ADH4: variants seen among roughly 807,000 people sequenced by gnomAD.
The protein encoded by ADH4 is alcohol dehydrogenase 4 (class II), pi polypeptide.
A neutral mutation model predicts 35.2 loss-of-function variants in ADH4; 31 were observed. The observed-to-expected ratio is 0.88, with a 90% confidence interval of 0.66 to 1.19. ADH4 has a LOEUF of 1.19. ADH4 is among the 50% of genes most tolerant of loss of function. The pLI, the probability that ADH4 is intolerant of heterozygous loss-of-function variation, is 0.00. For synonymous variants in ADH4, 171 were observed against 160.2 expected, an observed-to-expected ratio of 1.07 and a Z score of -0.51; for missense variants, 476 against 458.3, an observed-to-expected ratio of 1.04 and a Z score of -0.35.
Position 99,142,717 on chromosome 4 carries a change from C to T in ADH4, c.82G>A (p.Glu28Lys), listed in dbSNP as rs775749904. Reference protein sequence around the residue: ...AGKPLCIEEVEVAPPKAHEVR... With the variant: ...AGKPLCIEEVKVAPPKAHEVR... ...TCATGAGCCTTGGGGGGAGCTACTT[C>T]AACCTCTTCAATGCAAAGGGGCTTG... The change falls in exon 2 of 9, where the codon GAA (glutamate) becomes AAA (lysine). Residue 28 changes from glutamate (E) to lysine (K), a missense_variant. Transcript: ENST00000265512. 49 of 1,604,704 alleles carry T rather than the reference C, an allele frequency of 3.1e-5. No individual in the cohort carries two copies. In the East Asian group the frequency reaches 1.0e-3, roughly 33 times the overall value.
At position 99,123,924 on chromosome 4, in the gene ADH4, C is replaced by T. The variant is rs1042699425; in HGVS notation, c.*518G>A. ...ATCATCTCATCACCCAGGTATGAAG[C>T]CCAGCATCCATTAGCTATTCTTCCT... is the stretch of plus-strand genomic sequence containing the variant. On this transcript the variant is annotated 3_prime_UTR_variant, in exon 9 of 9. Transcript: ENST00000265512. The T allele has an allele frequency of 1.9e-5, 3 of 156,814 alleles. No individual in the cohort carries two copies. Among genetic ancestry groups the T allele is most frequent in the African/African-American group, 7.2e-5 (3 of 41,442 alleles). The allele number at this position is 156,814 out of a possible 1,614,324, so 9.7% of individuals were successfully genotyped here.
Position 99,124,467 on chromosome 4 carries a change from C to T in ADH4, c.1119-1G>A. ...TCAAAAGATGAGGATTGTTCGGACGCTGTTAATAACAATAAAACATTAATA... is the reference window on the plus strand; with the variant it reads ...TCAAAAGATGAGGATTGTTCGGACGTTGTTAATAACAATAAAACATTAATA... On this transcript the variant is annotated splice_acceptor_variant, in intron 8 of 8. Transcript: ENST00000265512. LOFTEE classifies it high-confidence loss of function. 3 of 1,458,910 alleles carry T rather than the reference C, an allele frequency of 2.1e-6. No homozygotes were observed. The highest frequency in any genetic ancestry group is 2.8e-6 in the Non-Finnish European group (3 of 1,056,154). The allele number at this position is 1,458,910 out of a possible 1,614,324, so 90.4% of individuals were successfully genotyped here.
intron 5 of ADH4, among the ~76,000 whole-genome samples, chr4:99,134,687 C>T (rs959926950): frequency 6.6e-6 from 1 of 151,944 alleles, no homozygotes; most frequent in African/African-American, 2.4e-5. Flanking sequence ...TGGTTTCTAA[C>T]ACAATTTTTT....
intron 6 of ADH4, 68 bp from the exon 7 acceptor site, chr4:99,127,412 G>C (rs1729135192): frequency 7.6e-7 from 1 of 1,323,850 alleles, no homozygotes. Flanking sequence ...GTGTGGCAAT[G>C]TACAATGCTT....
At chr4:99,135,088 G>GTACA (rs1217036435) in intron 5 of ADH4, among the ~76,000 whole-genome samples, 1 of 152,038 alleles carries the variant, frequency 6.6e-6, no homozygotes, top group Admixed American at 6.6e-5. Flanking sequence ...GGAACAAATA[G>GTACA]TACAATAGGA....
intron 5 of ADH4, among the ~76,000 whole-genome samples, chr4:99,134,811 G>C (rs1049623866): frequency 3.3e-5 from 5 of 151,026 alleles, no homozygotes; most frequent in African/African-American, 1.2e-4. Flanking sequence ...TCTCAATGAA[G>C]AGTCATACTT....
In ADH4 at chr4:99,141,675, G is replaced by A. The variant is rs761811968; in HGVS notation, c.128C>T (p.Ala43Val). The change falls in exon 3 of 9, where the codon GCT becomes GTT. Residue 43 changes from alanine (A) to valine (V), a missense_variant. By Grantham distance (64) the Ala-to-Val change is moderately conservative. Coordinates refer to ENST00000265512, the MANE Select transcript of ADH4 (RefSeq NM_000670.5). The stretch of plus-strand genomic sequence containing the variant: ...GGCATCAGTATGGCACAGAGAGGTA[G>A]CAATGATCTACAAGGCAATCACAGA... Reference protein sequence around the residue: ...KAHEVRIQIIATSLCHTDATV... With the variant: ...KAHEVRIQIIVTSLCHTDATV... 43 of 1,613,328 alleles carry A rather than the reference G, an allele frequency of 2.7e-5. No homozygotes were observed. Among genetic ancestry groups the A allele is most frequent in the Middle Eastern group, 1.7e-4 (1 of 6,056 alleles).
intron 6 of ADH4, 115 bp downstream of exon 6, chr4:99,131,389 C>T (rs1409779495): frequency 1.2e-5 from 14 of 1,178,914 alleles, no homozygotes; most frequent in Non-Finnish European, 1.6e-5. Context: ...AGTTCTACCA[C>T]CCTGTCATCC....
intron 5 of ADH4, among the ~76,000 whole-genome samples, chr4:99,134,341 G>T (rs938260790): frequency 2.6e-5 from 4 of 151,952 alleles, no homozygotes; most frequent in African/African-American, 9.7e-5. Flanking sequence ...TATATGAAGT[G>T]ATGGATACAT....
Position 99,144,243 on chromosome 4 carries a change from T to C in ADH4, c.-21A>G. 1.2e-6 allele frequency: 2 copies of C among 1,612,352 alleles called. No individual in the cohort carries two copies. Among genetic ancestry groups the C allele is most frequent in the Non-Finnish European group, 8.5e-7 (1 of 1,178,432 alleles). ...CCCATTTTTCTTTGGGAAACTGTGTTGGAAGTTTCTTTCTGAGTTAAGAAA... is the reference window on the plus strand; with the variant it reads ...CCCATTTTTCTTTGGGAAACTGTGTCGGAAGTTTCTTTCTGAGTTAAGAAA... On this transcript the variant is annotated 5_prime_UTR_variant, in exon 1 of 9. Coordinates refer to ENST00000265512, the MANE Select transcript of ADH4 (RefSeq NM_000670.5).
intron 7 of ADH4, 44 bp from the exon 8 acceptor site, chr4:99,126,776 A>G (rs745573868): frequency 2.6e-6 from 4 of 1,551,798 alleles, no homozygotes; most frequent in Admixed American, 1.7e-5. Flanking sequence ...GGCACTTGAC[A>G]CGAAGTAGTT....
chr4:99,136,400 G>T, intron 5 of ADH4, 66 bp downstream of exon 5: 1 of 1,336,118 alleles, frequency 7.5e-7, no homozygotes, highest in Non-Finnish European at 1.1e-6. Context: ...ACTAACTCTA[G>T]TTCATCTGTA....
chr4:99,127,206 G>C lies in ADH4; in HGVS notation c.979+3C>G. 1 of 1,582,492 alleles carries C rather than the reference G, an allele frequency of 6.3e-7. No homozygotes were observed. Among genetic ancestry groups the C allele is most frequent in the South Asian group, 1.2e-5 (1 of 84,320 alleles). Reference sequence around the variant, plus strand: ...TAAAGCTATGAAGAAAAAAAAAACTGACCACCAAAGAATGTTCCATTTATA... The same window carrying C: ...TAAAGCTATGAAGAAAAAAAAAACTCACCACCAAAGAATGTTCCATTTATA... On this transcript the variant is annotated splice_donor_region_variant and intron_variant, in intron 7 of 8. Coordinates refer to ENST00000265512, the MANE Select transcript of ADH4 (RefSeq NM_000670.5).
intron 8 of ADH4, among the ~76,000 whole-genome samples, chr4:99,125,564 A>G (rs934345035): frequency 6.6e-6 from 1 of 152,196 alleles, no homozygotes; most frequent in Non-Finnish European, 1.5e-5. Flanking sequence ...AGTATTCCTT[A>G]TGGGGATATT....
Position 99,136,474 on chromosome 4 carries a change from T to G in ADH4, c.574A>C (p.Asn192His). 6.2e-7 allele frequency: 1 copy of G among 1,613,912 alleles called. No individual in the cohort carries two copies. Among genetic ancestry groups the G allele is most frequent in the Non-Finnish European group, 8.5e-7 (1 of 1,179,840 alleles). ...GGTGTTTAACCATTTACCTTGGCAT[T>G]GTTGATTGCAGCCCCATAGCCAGTT... is the stretch of plus-strand genomic sequence containing the variant. ...FSTGYGAAIN[N>H]AKVTPGSTCA... Residue 192 changes from asparagine (N) to histidine (H), a missense_variant, in exon 5 of 9, where the codon AAT becomes CAT. Asn to His is a moderately conservative substitution (Grantham distance 68). Coordinates refer to ENST00000265512, the MANE Select transcript of ADH4 (RefSeq NM_000670.5).
rs1729436229 is a variant in ADH4, at chr4:99,136,498, T to C, written c.550A>G (p.Thr184Ala). ...TTGTTGATTGCAGCCCCATAGCCAG[T>C]TGAAAACCCACATCCAAGCAGACAA... is the stretch of plus-strand genomic sequence containing the variant. ...RVCLLGCGFS[T>A]GYGAAINNAK... Residue 184 changes from threonine (T) to alanine (A), a missense_variant, in exon 5 of 9, where the codon ACT (threonine) becomes GCT (alanine). Physicochemically the swap from Thr to Ala is moderately conservative, Grantham distance 58. Coordinates refer to ENST00000265512, the MANE Select transcript of ADH4 (RefSeq NM_000670.5). 1 of 1,614,142 alleles carries C rather than the reference T, an allele frequency of 6.2e-7. No homozygotes were observed. Among genetic ancestry groups the C allele is most frequent in the Non-Finnish European group, 8.5e-7 (1 of 1,180,010 alleles).
chr4:99,135,125 A>G (rs1467509768), intron 5 of ADH4, among the ~76,000 whole-genome samples: 1 of 152,092 alleles, frequency 6.6e-6, no homozygotes, highest in Non-Finnish European at 1.5e-5. Flanking sequence ...AGATTTCTCT[A>G]TAGTGTGATA....
Position 99,127,358 on chromosome 4 carries a change from T to C in ADH4, c.844-14A>G, listed in dbSNP as rs6813415. 392,522 of 1,574,198 alleles carry C rather than the reference T, an allele frequency of 0.25. 53,157 individuals carry two copies. Among genetic ancestry groups the C allele is most frequent in the Non-Finnish European group, 0.28 (324,283 of 1,160,954 alleles). On this transcript the variant is annotated splice_polypyrimidine_tract_variant and intron_variant, in intron 6 of 8. Coordinates refer to ENST00000265512, the MANE Select transcript of ADH4 (RefSeq NM_000670.5). ...CAGGGCTGCTTTCTGTGATGGAGCA[T>C]AAAAGAATACTTGAGTCAGTGGAAA...
intron 3 of ADH4, among the ~76,000 whole-genome samples, chr4:99,140,959 A>C: frequency 6.6e-6 from 1 of 152,218 alleles, no homozygotes; most frequent in South Asian, 2.1e-4. Context: ...GTGTCACGGA[A>C]GTTTGGTGTA....
Sources: allele counts gnomAD v4.1 joint callset (sites outside exome capture counted in the v4.1 genomes callset), GRCh38; gene constraint gnomAD v4.1.1; transcripts MANE v1.5; gene names NCBI Gene and HGNC (gene_info 2026-07-23, HGNC 2026-07-21).